The following DMGDH variants were observed in gnomAD, a reference collection of about 807,000 sequenced individuals.
The protein encoded by DMGDH is dimethylglycine dehydrogenase, also known as dimethylglycine dehydrogenase, mitochondrial.
DMGDH carries 76 observed loss-of-function variants against 95.2 expected under a neutral mutation model. The ratio of observed to expected loss-of-function variants is 0.80; its 90% confidence interval spans 0.66 to 0.97. The LOEUF is 0.97. Ranked by LOEUF, DMGDH falls within the 50% of genes least tolerant of loss-of-function variation. The pLI is 0.00. For missense variants in DMGDH, 987 were observed against 1,055.0 expected (o/e 0.94, Z 0.89); for synonymous variants, 345 against 377.6 (o/e 0.91, Z 1.00).
chr5:79,017,348 G>T (rs1753753330), intron 14 of DMGDH, among the ~76,000 whole-genome samples: 1 of 151,998 alleles, frequency 6.6e-6, no homozygotes, highest in Non-Finnish European at 1.5e-5. Context: ...CTAGGTAAGA[G>T]ATTTAACCAG....
chr5:79,050,113 C>T (rs473274), intron 5 of DMGDH, among the ~76,000 whole-genome samples: 94,194 of 150,310 alleles, frequency 0.63, 29,729 homozygotes, highest in East Asian at 0.78. Flanking sequence ...AAAAATTAGC[C>T]GGGTGTGGTG....
intron 2 of DMGDH, among the ~76,000 whole-genome samples, chr5:79,058,314 T>C (rs1317841096): frequency 6.6e-6 from 1 of 152,230 alleles, no homozygotes. Context: ...TCCATTTAAA[T>C]TATTTGAAAG....
At chr5:79,012,770 C>T (rs1419630025) in intron 14 of DMGDH, among the ~76,000 whole-genome samples, 54 of 152,380 alleles carry the variant, frequency 3.5e-4, no homozygotes, top group Non-Finnish European at 1.5e-5. Context: ...TTTACTAGGG[C>T]TCATTTGAGT....
intron 5 of DMGDH, among the ~76,000 whole-genome samples, chr5:79,050,273 A>AAAAATATATATATATAT (rs1554037270): frequency 2.4e-4 from 5 of 20,936 alleles, no homozygotes; most frequent in African/African-American, 7.8e-4. Flanking sequence ...AAAAAAAAAA[A>AAAAATATATATATATAT]ATATATATAT....
At chr5:79,046,274 G>A (rs944757446) in intron 5 of DMGDH, among the ~76,000 whole-genome samples, 1 of 151,806 alleles carries the variant, frequency 6.6e-6, no homozygotes, top group East Asian at 1.9e-4. Context: ...TTTAGTAGAC[G>A]AGATTTCACC....
At position 79,051,362 on chromosome 5, in the gene DMGDH, C is replaced by G. The variant is rs1483766610; in HGVS notation, c.670G>C (p.Ala224Pro). ...KYPAPVTSLK[A>P]RSDGTWDVET... ...ACGTCCCATGTTCCATCTGACCTGG[C>G]TTTCAGAGAAGTTACTGGTGCAGGA... Residue 224 changes from alanine (A) to proline (P), a missense_variant, in exon 5 of 16, where the codon GCC becomes CCC. Coordinates refer to ENST00000255189, the MANE Select transcript of DMGDH (RefSeq NM_013391.3). 1 of 1,614,192 alleles carries G rather than the reference C, an allele frequency of 6.2e-7. No homozygotes were observed. Among genetic ancestry groups the G allele is most frequent in the Middle Eastern group, 1.6e-4 (1 of 6,062 alleles).
intron 2 of DMGDH, among the ~76,000 whole-genome samples, chr5:79,060,791 C>T (rs1048850708): frequency 2.0e-5 from 3 of 151,778 alleles, no homozygotes; most frequent in African/African-American, 7.3e-5. Context: ...TGGTGGTGCG[C>T]ACCTGTAGTC....
intron 1 of DMGDH, among the ~76,000 whole-genome samples, chr5:79,064,229 T>C (rs544995002): frequency 6.6e-6 from 1 of 152,140 alleles, no homozygotes; most frequent in Admixed American, 6.5e-5. Flanking sequence ...GGCACATGCC[T>C]ATAGTCCCAG....
chr5:79,008,967 T>A (rs186637905), intron 14 of DMGDH, among the ~76,000 whole-genome samples: 29 of 152,288 alleles, frequency 1.9e-4, no homozygotes, highest in African/African-American at 7.0e-4. Context: ...CTCAGTTACA[T>A]GACGAGATAA....
chr5:79,012,826 A>G (rs556014341), intron 14 of DMGDH, among the ~76,000 whole-genome samples: 7 of 152,318 alleles, frequency 4.6e-5, no homozygotes, highest in East Asian at 1.9e-4. Flanking sequence ...CAGTGTCCCA[A>G]TGCCATGCAA....
intron 7 of DMGDH, among the ~76,000 whole-genome samples, chr5:79,037,447 A>G (rs1754377754): frequency 6.6e-6 from 1 of 152,200 alleles, no homozygotes; most frequent in African/African-American, 2.4e-5. Flanking sequence ...GTATTCCATT[A>G]TATTACATAA....
At chr5:79,064,382 T>G (rs2947610) in intron 1 of DMGDH, among the ~76,000 whole-genome samples, 128,679 of 151,388 alleles carry the variant, frequency 0.85, 54,924 homozygotes, top group East Asian at 0.93. Flanking sequence ...GATTTAAAAT[T>G]GTACAGCTGT....
At chr5:79,013,067 T>C (rs1252576939) in intron 14 of DMGDH, among the ~76,000 whole-genome samples, 1 of 152,194 alleles carries the variant, frequency 6.6e-6, no homozygotes, top group East Asian at 1.9e-4. Context: ...AGGTTGCACA[T>C]TTTCCAAACT....
chr5:79,064,581 A>T (rs527906807), intron 1 of DMGDH, among the ~76,000 whole-genome samples: 1 of 152,230 alleles, frequency 6.6e-6, no homozygotes, highest in African/African-American at 2.4e-5. Context: ...TAATAAATTA[A>T]CAGCTTACTG....
At chr5:79,060,916 C>CA (rs59948927) in intron 2 of DMGDH, among the ~76,000 whole-genome samples, 9,639 of 103,348 alleles carry the variant, frequency 0.093, 438 homozygotes, top group Middle Eastern at 0.16. Flanking sequence ...GACTCTGTCT[C>CA]AAAAAAAAAA....
rs1753384582 is a variant in DMGDH at position 78,997,693 on chromosome 5, T to C, written c.*389A>G. The C allele has an allele frequency of 5.1e-6, 1 of 196,362 alleles. No individual in the cohort carries two copies. The highest frequency in any genetic ancestry group is 5.3e-5 in the Admixed American group (1 of 18,738). 12.2% of individuals were successfully genotyped at this position (196,362 alleles called of 1,614,324 possible). A position where few individuals can be genotyped will look rare whatever the true frequency, so the allele number is the denominator to read the frequency against. On this transcript the variant is annotated 3_prime_UTR_variant, in exon 16 of 16. Coordinates refer to ENST00000255189, the MANE Select transcript of DMGDH (RefSeq NM_013391.3). ...ATAAACAATATTGTACATGTTTTTA[T>C]GTAAAAGATAATTTATTAATTTGTT... is the stretch of plus-strand genomic sequence containing the variant.
intron 2 of DMGDH, among the ~76,000 whole-genome samples, chr5:79,058,622 C>A (rs1755100776): frequency 6.6e-6 from 1 of 151,916 alleles, no homozygotes; most frequent in Admixed American, 6.6e-5. Context: ...GTTTAGCTGT[C>A]GTTTGGAAAA....
chr5:79,028,168 A>G (rs529590815), intron 12 of DMGDH, among the ~76,000 whole-genome samples: 2 of 151,772 alleles, frequency 1.3e-5, no homozygotes, highest in East Asian at 1.9e-4. Context: ...GCCCTTCCAG[A>G]TGGTAGGCAG....
In DMGDH at chr5:79,000,938, C is replaced by G. The variant is rs920433330; in HGVS notation, c.2386-2641G>C. On this transcript the variant is annotated intron_variant, in intron 15 of 15. Coordinates refer to ENST00000255189, the MANE Select transcript of DMGDH (RefSeq NM_013391.3). ...AGACAGGTGGAGCTGTACCTGGGTC[C>G]TCATTTGGCAGCATCACTTGCAAGC... The G allele has an allele frequency of 7.4e-6, 5 of 672,270 alleles. No homozygotes were observed. The African/African-American group carries it at 9.0e-5, about 12-fold the overall frequency. 41.6% of individuals were successfully genotyped at this position (672,270 alleles called of 1,614,324 possible).
Sources: allele counts gnomAD v4.1 joint callset (sites outside exome capture counted in the v4.1 genomes callset), GRCh38; gene constraint gnomAD v4.1.1; transcripts MANE v1.5; gene names NCBI Gene and HGNC (gene_info 2026-07-23, HGNC 2026-07-21).